PEX5L: variants seen among roughly 807,000 people sequenced by gnomAD.
The protein encoded by PEX5L is peroxisomal biogenesis factor 5 like.
In PEX5L, 30 loss-of-function variants were observed where a neutral mutation model predicts 84.0. The ratio of observed to expected loss-of-function variants is 0.36; its 90% CI spans 0.27 to 0.48. The LOEUF is 0.48. Among genes scored for constraint, PEX5L ranks in the 20% least tolerant of loss-of-function variants. The pLI is 0.99. For synonymous variants in PEX5L, 270 were observed against 283.1 expected (o/e 0.95, Z 0.46); for missense variants, 533 against 754.6 (o/e 0.71, Z 3.44).
At chr3:179,913,833 A>G (rs17691869) in intron 2 of PEX5L, among the ~76,000 whole-genome samples, 18,582 of 152,160 alleles carry the variant, frequency 0.12, 1,291 homozygotes, top group Non-Finnish European at 0.14. Flanking sequence ...CTTAATTAGT[A>G]CCATAGAATT....
At chr3:179,898,807 G>A (rs1057309845) in intron 2 of PEX5L, among the ~76,000 whole-genome samples, 3 of 151,952 alleles carry the variant, frequency 2.0e-5, no homozygotes, top group South Asian at 2.1e-4. Context: ...TCTGTTTTGT[G>A]GAGATGGTAT....
intron 8 of PEX5L, among the ~76,000 whole-genome samples, chr3:179,842,399 A>C (rs11920773): frequency 0.035 from 5,322 of 152,302 alleles, 282 homozygotes; most frequent in African/African-American, 0.11. Flanking sequence ...CTCCAGAGCT[A>C]GTGTTAAGAG....
chr3:179,813,832 G>A (rs867040249), intron 10 of PEX5L, among the ~76,000 whole-genome samples: 43 of 151,912 alleles, frequency 2.8e-4, no homozygotes, highest in African/African-American at 9.9e-4. Context: ...GCCCGCCACC[G>A]CGCCCGGCTA....
intron 2 of PEX5L, among the ~76,000 whole-genome samples, chr3:179,916,789 C>T (rs1383580369): frequency 4.6e-5 from 7 of 152,096 alleles, no homozygotes; most frequent in Non-Finnish European, 1.0e-4. Flanking sequence ...CCCACCTCAG[C>T]CTCCTGAGCG....
chr3:179,851,009 A>G (rs1741626571), intron 8 of PEX5L, among the ~76,000 whole-genome samples: 1 of 152,208 alleles, frequency 6.6e-6, no homozygotes, highest in Admixed American at 6.5e-5. Context: ...TGCCTATCAG[A>G]CCTATAGTAT....
intron 2 of PEX5L, among the ~76,000 whole-genome samples, chr3:179,971,016 A>G (rs1167774952): frequency 6.6e-6 from 1 of 152,064 alleles, no homozygotes; most frequent in Non-Finnish European, 1.5e-5. Context: ...TTTTCATTTC[A>G]CCTTATGGGC....
At chr3:179,947,824 A>T (rs2109908960) in intron 2 of PEX5L, among the ~76,000 whole-genome samples, 1 of 150,398 alleles carries the variant, frequency 6.6e-6, no homozygotes, top group East Asian at 2.0e-4. Context: ...CTCCTGCCTC[A>T]GCCTCCCGAG....
At chr3:179,908,254 A>G (rs115688815) in intron 2 of PEX5L, among the ~76,000 whole-genome samples, 1,848 of 152,310 alleles carry the variant, frequency 0.012, 39 homozygotes, top group African/African-American at 0.042. Flanking sequence ...GAAAGATCTT[A>G]AAGCTGCAAG....
intron 5 of PEX5L, among the ~76,000 whole-genome samples, chr3:179,876,549 C>T (rs1752470443): frequency 6.6e-6 from 1 of 151,570 alleles, no homozygotes; most frequent in Admixed American, 6.6e-5. Flanking sequence ...TCTTTTTTCC[C>T]CTTCTTTTTA....
intron 1 of PEX5L, among the ~76,000 whole-genome samples, chr3:180,029,281 A>G (rs7640838): frequency 0.36 from 55,252 of 151,990 alleles, 12,146 homozygotes; most frequent in African/African-American, 0.63. Context: ...CACCTGACTC[A>G]GCCTCCCAAA....
chr3:179,811,790 G>T lies in PEX5L; in HGVS notation c.1154+11C>A. ...CACCAGGCCCATGATTTTGCACTTA[G>T]CTTCCTTTACCTCTGGAGGGCGACA... On this transcript the variant is annotated intron_variant, in intron 11 of 14. Coordinates refer to ENST00000467460, the MANE Select transcript of PEX5L (RefSeq NM_016559.3). 1.2e-6 allele frequency: 2 copies of T among 1,607,722 alleles called. No homozygotes were observed. The highest frequency in any genetic ancestry group is 1.7e-6 in the Non-Finnish European group (2 of 1,174,136).
At chr3:179,859,265 C>A (rs1300942831) in intron 7 of PEX5L, 108 bp from the exon 8 acceptor site, 16 of 780,418 alleles carry the variant, frequency 2.1e-5, no homozygotes, top group Non-Finnish European at 3.0e-5. Flanking sequence ...GTTCAAGAAT[C>A]ATCTGTGACT....
At chr3:179,862,461 G>A (rs953957913) in intron 7 of PEX5L, among the ~76,000 whole-genome samples, 12 of 152,100 alleles carry the variant, frequency 7.9e-5, no homozygotes, top group African/African-American at 2.9e-4. Context: ...TAACTCCAAC[G>A]GTGATATCTT....
At chr3:180,023,070 G>T (rs1561076527) in intron 1 of PEX5L, among the ~76,000 whole-genome samples, 1 of 152,192 alleles carries the variant, frequency 6.6e-6, no homozygotes, top group Non-Finnish European at 1.5e-5. Flanking sequence ...GTACCGACAT[G>T]GAGATATGGC....
chr3:180,001,545 G>T (rs1240956061), intron 1 of PEX5L, among the ~76,000 whole-genome samples: 2 of 151,460 alleles, frequency 1.3e-5, no homozygotes, highest in African/African-American at 4.9e-5. Flanking sequence ...CCATATATTT[G>T]TAGCTAAACC....
Position 179,919,805 on chromosome 3 carries a change from C to T in PEX5L, c.94-21559G>A, listed in dbSNP as rs555341806. ...GCAACCTCTGCCTCCCGGGTTCAAG[C>T]GATTCTACTGCCTCAGCCTCCCGAG... is the stretch of plus-strand genomic sequence containing the variant. On this transcript the variant is annotated intron_variant, in intron 2 of 14. Transcript: ENST00000467460. Among the ~76,000 whole-genome samples the T allele has an allele frequency of 2.6e-5, 4 of 152,246 alleles. No homozygotes were observed. In the East Asian group the frequency reaches 5.8e-4, roughly 22 times the overall value.
At chr3:179,950,095 TG>T (rs1465990277) in intron 2 of PEX5L, among the ~76,000 whole-genome samples, 1 of 152,218 alleles carries the variant, frequency 6.6e-6, no homozygotes, top group Non-Finnish European at 1.5e-5. Flanking sequence ...CACTGCCACC[TG>T]AATTTTCTTG....
chr3:179,964,481 C>A (rs1035003813), intron 2 of PEX5L, among the ~76,000 whole-genome samples: 1 of 152,056 alleles, frequency 6.6e-6, no homozygotes, highest in Non-Finnish European at 1.5e-5. Flanking sequence ...TTCTGCACAG[C>A]AAAAGAAACT....
chr3:179,817,743 T>C (rs970072575), intron 9 of PEX5L, among the ~76,000 whole-genome samples: 4 of 152,184 alleles, frequency 2.6e-5, no homozygotes, highest in African/African-American at 9.7e-5. Flanking sequence ...TAAGAGTAGA[T>C]CAAGTGGAGG....
Sources: gnomAD v4.1 joint callset for allele counts (sites outside exome capture counted in the v4.1 genomes callset) on GRCh38, gnomAD v4.1.1 for gene constraint, MANE v1.5 for transcripts, NCBI Gene and HGNC (gene_info 2026-07-23, HGNC 2026-07-21) for gene names.